The following KCNMA1 variants were observed in gnomAD, a reference collection of about 807,000 sequenced individuals.
KCNMA1 encodes potassium calcium-activated channel subfamily M alpha 1, also known as Calcium-activated potassium channel subunit alpha-1.
Under a neutral mutation model 140.0 loss-of-function variants are expected in KCNMA1, and 29 were observed. The ratio of observed to expected loss-of-function variants is 0.21; its 90% confidence interval spans 0.15 to 0.28. The LOEUF is 0.28. Ranked by LOEUF, KCNMA1 falls within the 10% of genes least tolerant of loss-of-function variation. The pLI is 1.00. For missense variants in KCNMA1, 880 were observed against 1,602.2 expected (o/e 0.55, Z 7.70); for synonymous variants, 612 against 611.9 (o/e 1.00, Z 0.00).
At chr10:77,345,844 TA>T (rs1197317831) in intron 2 of KCNMA1, among the ~76,000 whole-genome samples, 3 of 152,154 alleles carry the variant, frequency 2.0e-5, no homozygotes, top group South Asian at 2.1e-4. Context: ...TGGTGCTCAA[TA>T]AATAATGATG....
intron 2 of KCNMA1, among the ~76,000 whole-genome samples, chr10:77,370,256 G>A (rs2094602887): frequency 6.6e-6 from 1 of 152,144 alleles, no homozygotes; most frequent in African/African-American, 2.4e-5. Flanking sequence ...CAGGTCCTTT[G>A]GGGGTTTGGA....
At chr10:77,167,141 C>A (rs72805561) in intron 5 of KCNMA1, among the ~76,000 whole-genome samples, 4,080 of 152,250 alleles carry the variant, frequency 0.027, 84 homozygotes, top group Non-Finnish European at 0.042. Context: ...CTACCCTTCC[C>A]TGCCTCAGAT....
intron 3 of KCNMA1, among the ~76,000 whole-genome samples, chr10:77,230,211 C>G (rs977901862): frequency 2.0e-5 from 3 of 152,168 alleles, no homozygotes; most frequent in African/African-American, 7.2e-5. Context: ...ATATATGATT[C>G]CATTTAGATG....
chr10:77,304,812 C>T (rs973502518), intron 2 of KCNMA1, among the ~76,000 whole-genome samples: 3 of 152,198 alleles, frequency 2.0e-5, no homozygotes, highest in African/African-American at 7.2e-5. Context: ...CCCAGAGATT[C>T]CCACACCCCG....
chr10:77,406,492 G>A (rs1223298993), intron 1 of KCNMA1, among the ~76,000 whole-genome samples: 2 of 152,170 alleles, frequency 1.3e-5, no homozygotes, highest in African/African-American at 4.8e-5. Flanking sequence ...AAGCACACCA[G>A]AGGGCTTGTT....
intron 12 of KCNMA1, among the ~76,000 whole-genome samples, chr10:77,083,902 T>A (rs2096639379): frequency 6.6e-6 from 1 of 152,076 alleles, no homozygotes. Flanking sequence ...CAAATAGGTT[T>A]GGAAAGTGTT....
chr10:77,407,703 A>G (rs686374), intron 1 of KCNMA1, among the ~76,000 whole-genome samples: 93,450 of 151,938 alleles, frequency 0.62, 29,246 homozygotes, highest in East Asian at 0.86. Context: ...AGCCTCTTCC[A>G]TGTAAGATGG....
chr10:76,965,531 A>G (rs1489742999), intron 20 of KCNMA1, among the ~76,000 whole-genome samples: 1 of 152,156 alleles, frequency 6.6e-6, no homozygotes, highest in Non-Finnish European at 1.5e-5. Flanking sequence ...GGGGTTCCCT[A>G]ATGCCTATGA....
At chr10:77,441,308 G>C (rs2097394368) in intron 1 of KCNMA1, among the ~76,000 whole-genome samples, 1 of 152,126 alleles carries the variant, frequency 6.6e-6, no homozygotes. Flanking sequence ...AATGTCTGCT[G>C]ATGACACACT....
intron 5 of KCNMA1, among the ~76,000 whole-genome samples, chr10:77,130,801 G>T (rs1304976469): frequency 6.6e-6 from 1 of 151,816 alleles, no homozygotes; most frequent in Non-Finnish European, 1.5e-5. Context: ...ACATATATAT[G>T]TATTTATTTA....
intron 19 of KCNMA1, among the ~76,000 whole-genome samples, chr10:76,986,521 C>T (rs1253965032): frequency 6.6e-6 from 1 of 152,170 alleles, no homozygotes; most frequent in East Asian, 1.9e-4. Context: ...ACAGGGTTTC[C>T]AGGAGCAATT....
chr10:77,353,932 C>T (rs1193012965), intron 2 of KCNMA1, among the ~76,000 whole-genome samples: 1 of 136,254 alleles, frequency 7.3e-6, no homozygotes, highest in African/African-American at 2.8e-5. Flanking sequence ...GCTACAGGGC[C>T]TGTTTTCTTC....
intron 1 of KCNMA1, among the ~76,000 whole-genome samples, chr10:77,613,531 G>A (rs1161923628): frequency 2.6e-5 from 4 of 152,218 alleles, no homozygotes; most frequent in African/African-American, 4.8e-5. Context: ...TATAGGAGGC[G>A]GTTCAGACCG....
At chr10:77,270,353 G>C (rs1356040141) in intron 2 of KCNMA1, among the ~76,000 whole-genome samples, 1 of 152,124 alleles carries the variant, frequency 6.6e-6, no homozygotes, top group Non-Finnish European at 1.5e-5. Flanking sequence ...GTTGGTCCCG[G>C]GGAACTGGGA....
chr10:77,451,972 T>G (rs1427665911), intron 1 of KCNMA1, among the ~76,000 whole-genome samples: 1 of 152,198 alleles, frequency 6.6e-6, no homozygotes, highest in Non-Finnish European at 1.5e-5. Context: ...CAATGTCTCT[T>G]TCCTCCTGCA....
chr10:77,296,838 C>A (rs1246068009), intron 2 of KCNMA1, among the ~76,000 whole-genome samples: 3 of 146,730 alleles, frequency 2.0e-5, no homozygotes, highest in African/African-American at 7.5e-5. Context: ...ATGAAAAAAA[C>A]AGATGAGAGG....
intron 2 of KCNMA1, among the ~76,000 whole-genome samples, chr10:77,383,769 C>T (rs1340592292): frequency 1.3e-5 from 2 of 152,122 alleles, no homozygotes; most frequent in Non-Finnish European, 2.9e-5. Context: ...TAGCTCACTG[C>T]ACAGTCCTTG....
chr10:77,466,597 C>T (rs1054660611), intron 1 of KCNMA1, among the ~76,000 whole-genome samples: 3 of 152,166 alleles, frequency 2.0e-5, no homozygotes, highest in African/African-American at 7.2e-5. Context: ...TAATCAACTA[C>T]AAGAAATGAG....
intron 1 of KCNMA1, among the ~76,000 whole-genome samples, chr10:77,614,210 G>A (rs946295702): frequency 2.6e-5 from 4 of 152,232 alleles, no homozygotes; most frequent in African/African-American, 4.8e-5. Flanking sequence ...CCAGTGTGGA[G>A]TATTAGTCAA....
Sources: gnomAD v4.1 joint callset for allele counts (sites outside exome capture counted in the v4.1 genomes callset) on GRCh38, gnomAD v4.1.1 for gene constraint, MANE v1.5 for transcripts, NCBI Gene and HGNC (gene_info 2026-07-23, HGNC 2026-07-21) for gene names.